Variants in AGAP1 observed in about 807,000 individuals in gnomAD.
The protein encoded by AGAP1 is arf-GAP with GTPase, ANK repeat and PH domain-containing protein 1.
AGAP1 carries 29 observed loss-of-function variants against 105.3 expected under a neutral mutation model. The observed-to-expected ratio is 0.28, with a 90% CI of 0.21 to 0.38. The LOEUF (loss-of-function observed/expected upper bound fraction) is 0.38, where lower values mean the gene tolerates loss of function less well. AGAP1 is among the 10% of genes least tolerant of loss of function. AGAP1 has a pLI of 1.00. For missense variants in AGAP1, 998 were observed against 1,165.1 expected (o/e 0.86, Z 2.09); for synonymous variants, 509 against 485.9 (o/e 1.05, Z -0.63).
intron 13 of AGAP1, among the ~76,000 whole-genome samples, chr2:236,024,606 G>A (rs1050077506): frequency 4.0e-5 from 6 of 151,872 alleles, no homozygotes; most frequent in Admixed American, 2.0e-4. Flanking sequence ...CTAGAATTCC[G>A]CAAAAAAATA....
At chr2:236,013,394 C>G (rs530711102) in intron 13 of AGAP1, among the ~76,000 whole-genome samples, 2 of 152,326 alleles carry the variant, frequency 1.3e-5, no homozygotes, top group African/African-American at 4.8e-5. Context: ...ACAGCCTCAG[C>G]TGTAGTGTTC....
rs1462604697 is a variant in AGAP1, at chr2:235,659,971, T to G, written c.164-49208T>G. 6.6e-6 allele frequency among the ~76,000 whole-genome samples: 1 copy of G among 152,146 alleles called. No homozygotes were observed. The highest frequency in any genetic ancestry group is 1.9e-4 in the East Asian group (1 of 5,180). ...GAACAGGCCCATAGGCACCCCTCCA[T>G]GGGCCCCTCAAGGCTGTAGACCCCT... On this transcript the variant is annotated intron_variant, in intron 1 of 17. Coordinates refer to ENST00000304032, the MANE Select transcript of AGAP1 (RefSeq NM_001037131.3). The surrounding 1 kb of genome is among the most constrained non-coding windows in gnomAD (Gnocchi z 5.0).
chr2:235,939,805 CCT>C (rs1280085639), intron 12 of AGAP1, among the ~76,000 whole-genome samples: 1 of 152,110 alleles, frequency 6.6e-6, no homozygotes, highest in Non-Finnish European at 1.5e-5. Context: ...CTGGCTGCCC[CCT>C]GTGTCATCCT....
At chr2:236,103,511 C>A (rs1293287053) in intron 16 of AGAP1, among the ~76,000 whole-genome samples, 2 of 151,524 alleles carry the variant, frequency 1.3e-5, no homozygotes, top group Admixed American at 6.6e-5. Context: ...CTTTTCTTTT[C>A]TTTTCTTTTT....
intron 1 of AGAP1, among the ~76,000 whole-genome samples, chr2:235,624,568 C>A (rs189412624): frequency 9.2e-4 from 140 of 152,250 alleles, no homozygotes; most frequent in South Asian, 3.9e-3. Flanking sequence ...ATTGCTTTTT[C>A]TGTTCTGTGT....
chr2:235,611,027 G>A lies in AGAP1; in HGVS notation c.164-98152G>A, dbSNP rs554265921. On this transcript the variant is annotated intron_variant, in intron 1 of 17. Coordinates refer to ENST00000304032, the MANE Select transcript of AGAP1 (RefSeq NM_001037131.3). This position sits in a 1 kb window ranked among gnomAD's most constrained non-coding sequence, Gnocchi z 5.0. ...ATTGAAACTGTGCCCATGACCTCCG[G>A]AAGCCTGCCAGCCGCCTGCCTGCAA... Among the ~76,000 whole-genome samples the A allele has an allele frequency of 4.6e-5, 7 of 152,244 alleles. No individual in the cohort carries two copies. In the East Asian group the frequency reaches 1.3e-3, roughly 29 times the overall value.
At chr2:235,686,659 ATATATATTTT>A (rs1559351229) in intron 1 of AGAP1, among the ~76,000 whole-genome samples, 13 of 42,276 alleles carry the variant, frequency 3.1e-4, no homozygotes, top group African/African-American at 1.7e-3. Flanking sequence ...ATATATATAT[ATATATATTTT>A]TTTTTTTTTT....
At chr2:235,641,219 T>A (rs1947178304) in intron 1 of AGAP1, among the ~76,000 whole-genome samples, 1 of 152,106 alleles carries the variant, frequency 6.6e-6, no homozygotes, top group Non-Finnish European at 1.5e-5. Context: ...ACTAAAAAAA[T>A]TACCCTCTAA....
Position 235,788,415 on chromosome 2 carries a change from G to T in AGAP1, c.674-9344G>T, listed in dbSNP as rs72983003. ...TGGTGTGGTGCGGATCTTGGATGAG[G>T]TTAGCTGAGTTTGAAAACTGGAGAA... On this transcript the variant is annotated intron_variant, in intron 6 of 17. Transcript: ENST00000304032. This position sits in a 1 kb window ranked among gnomAD's most constrained non-coding sequence, Gnocchi z 6.0. 0.26 allele frequency among the ~76,000 whole-genome samples: 39,215 copies of T among 151,892 alleles called. 5,415 individuals are homozygous for T. Among genetic ancestry groups the T allele is most frequent in the Admixed American group, 0.4 (6,031 of 15,250 alleles).
rs991334417 is a variant in AGAP1 at position 235,864,659 on chromosome 2, A to T, written c.1051-18686A>T. Reference sequence around the variant, plus strand: ...GACAGGGAGAGACAGAGTGAAAGGAAAGAAAAACGAGGCGATCAAGAGATA... The same window carrying T: ...GACAGGGAGAGACAGAGTGAAAGGATAGAAAAACGAGGCGATCAAGAGATA... On this transcript the variant is annotated intron_variant, in intron 9 of 17. Coordinates refer to ENST00000304032, the MANE Select transcript of AGAP1 (RefSeq NM_001037131.3). The surrounding 1 kb of genome is among the most constrained non-coding windows in gnomAD (Gnocchi z 5.0). Among the ~76,000 whole-genome samples, 1 of 152,228 alleles carries T rather than the reference A, an allele frequency of 6.6e-6. No homozygotes were observed. The highest frequency in any genetic ancestry group is 1.5e-5 in the Non-Finnish European group (1 of 68,044).
Position 235,741,001 on chromosome 2 carries a change from A to G in AGAP1, c.349A>G (p.Ser117Gly). ...GAAAGAGATTGTCGTTGATGGACAG[A>G]GCTATCTGCTGCTGATCAGAGATGA... ...FKKEIVVDGQ[S>G]YLLLIRDEGG... The change falls in exon 4 of 18, where the codon AGC becomes GGC. Residue 117 changes from serine to glycine, a missense_variant. Around this residue, in one of 3 missense-constraint regions of AGAP1, gnomAD observed 735 missense variants for 833.4 expected, o/e 0.88. Coordinates refer to ENST00000304032, the MANE Select transcript of AGAP1 (RefSeq NM_001037131.3). This position sits in a 1 kb window ranked among gnomAD's most constrained non-coding sequence, Gnocchi z 4.9. 1 of 1,614,194 alleles carries G rather than the reference A, an allele frequency of 6.2e-7. No individual in the cohort carries two copies. The highest frequency in any genetic ancestry group is 8.5e-7 in the Non-Finnish European group (1 of 1,180,026).
At chr2:235,580,061 G>A (rs1234096445) in intron 1 of AGAP1, among the ~76,000 whole-genome samples, 1 of 152,190 alleles carries the variant, frequency 6.6e-6, no homozygotes, top group Non-Finnish European at 1.5e-5. Flanking sequence ...TTCATCGAGG[G>A]TGGTAGCATG....
rs145307061 is a variant in AGAP1, at chr2:236,099,633, G to GT, written c.2115-20553dup. On this transcript the variant is annotated intron_variant, in intron 16 of 17. Coordinates refer to ENST00000304032, the MANE Select transcript of AGAP1 (RefSeq NM_001037131.3). The stretch of plus-strand genomic sequence containing the variant: ...GGCTTTCTGAGAACCTCACTATATG[G>GT]TTTTTTATTGTTTCTCAGAGGATTT... 5.9e-3 allele frequency among the ~76,000 whole-genome samples: 904 copies of GT among 152,202 alleles called. 7 individuals are homozygous for GT. The highest frequency in any genetic ancestry group is 0.021 in the African/African-American group (863 of 41,514).
rs142995437 is a variant in AGAP1 at position 235,893,612 on chromosome 2, C to G, written c.1155+10163C>G. On this transcript the variant is annotated intron_variant, in intron 10 of 17. Transcript: ENST00000304032. The surrounding 1 kb of genome is among the most constrained non-coding windows in gnomAD (Gnocchi z 4.7). ...TGCAGATGTGCCTTCATGGCCCTCC[C>G]TGATTCCCAGGCCCCATCTAGTGTA... Among the ~76,000 whole-genome samples, 9 of 152,246 alleles carry G rather than the reference C, an allele frequency of 5.9e-5. No individual in the cohort carries two copies. The East Asian group carries it at 1.7e-3, about 29-fold the overall frequency.
rs538493996 is a variant in AGAP1, at chr2:235,799,838, C to T, written c.957+316C>T. 2.4e-4 allele frequency among the ~76,000 whole-genome samples: 37 copies of T among 152,206 alleles called. No homozygotes were observed. In the Middle Eastern group the frequency reaches 0.01, roughly 42 times the overall value. On this transcript the variant is annotated intron_variant, in intron 8 of 17. Transcript: ENST00000304032. The surrounding 1 kb of genome is among the most constrained non-coding windows in gnomAD (Gnocchi z 5.0). Reference sequence around the variant, plus strand: ...CAGTGGATACAAGGAGATGACAAAACTCTAAGATTCCCAGATGTGTGTCTC... The same window carrying T: ...CAGTGGATACAAGGAGATGACAAAATTCTAAGATTCCCAGATGTGTGTCTC...
intron 16 of AGAP1, among the ~76,000 whole-genome samples, chr2:236,116,411 G>T (rs1383477179): frequency 6.8e-6 from 1 of 147,070 alleles, no homozygotes; most frequent in South Asian, 2.2e-4. Context: ...GTGCAGTGAC[G>T]CAGTCTTGGC....
chr2:235,576,495 G>T (rs1944738091), intron 1 of AGAP1, among the ~76,000 whole-genome samples: 1 of 152,216 alleles, frequency 6.6e-6, no homozygotes, highest in Admixed American at 6.5e-5. Flanking sequence ...TCCTCTCCGT[G>T]TGCTGGAAGC....
chr2:236,112,445 C>T (rs948116244), intron 16 of AGAP1, among the ~76,000 whole-genome samples: 1 of 151,740 alleles, frequency 6.6e-6, no homozygotes, highest in Non-Finnish European at 1.5e-5. Context: ...GAAAGAAAAG[C>T]TCTCTCTCCC....
intron 9 of AGAP1, among the ~76,000 whole-genome samples, chr2:235,823,608 A>G (rs1958919758): frequency 6.6e-6 from 1 of 152,150 alleles, no homozygotes; most frequent in Non-Finnish European, 1.5e-5. Context: ...CATTTCCACC[A>G]CTGACACCAG....
Sources: gnomAD v4.1 joint callset for allele counts (sites outside exome capture counted in the v4.1 genomes callset) on GRCh38, gnomAD v4.1.1 for gene constraint, gnomAD v4.1.1 regional missense constraint, Gnocchi (gnomAD v3.1) non-coding constraint, MANE v1.5 for transcripts, NCBI Gene and HGNC (gene_info 2026-07-23, HGNC 2026-07-21) for gene names.